MYH13: variants seen among roughly 807,000 people sequenced by gnomAD.
MYH13 encodes the protein myosin-13.
MYH13 carries 177 observed loss-of-function variants against 232.1 expected under a neutral mutation model. The ratio of observed to expected loss-of-function variants is 0.76; its 90% confidence interval spans 0.67 to 0.86. The LOEUF (loss-of-function observed/expected upper bound fraction) is 0.86, where lower values mean the gene tolerates loss of function less well. Ranked by LOEUF, MYH13 falls within the 40% of genes least tolerant of loss-of-function variation. The probability of loss-of-function intolerance (pLI) is 0.00; values close to 1 mark genes in which losing one functional copy is unlikely to be tolerated. For synonymous variants in MYH13, 884 were observed against 923.5 expected, an observed-to-expected ratio of 0.96 and a Z score of 0.78; for missense variants, 2,246 against 2,405.9, an observed-to-expected ratio of 0.93 and a Z score of 1.39.
At position 10,312,806 on chromosome 17, in the gene MYH13, C is replaced by T. The variant is rs370399312; in HGVS notation, c.4182-49G>A. ...TCCCCTTCGCAAAGGTGGAATATTT[C>T]AGTAGGTAACTGTCAGATGGGAAGA... On this transcript the variant is annotated intron_variant, in intron 30 of 40. Transcript: ENST00000252172. 35 of 1,551,470 alleles carry T rather than the reference C, an allele frequency of 2.3e-5. No homozygotes were observed. The African/African-American group carries it at 4.6e-4, about 21-fold the overall frequency.
Position 10,333,134 on chromosome 17 carries a change from C to T in MYH13, c.2114G>A (p.Gly705Asp), listed in dbSNP as rs200422906. 2.7e-5 allele frequency: 42 copies of T among 1,551,850 alleles called. No individual in the cohort carries two copies. In the East Asian group the frequency reaches 9.0e-4, roughly 33 times the overall value. Residue 705 changes from glycine to aspartate, a missense_variant, in exon 19 of 41, where the codon GGC becomes GAC. By Grantham distance (94) the Gly-to-Asp change is moderately conservative (BLOSUM62 -1). Transcript: ENST00000252172. ...GAATCCCTTCCTGCAAATCCGGATG[C>T]CCTCGAGGACCCCGTTACAGCGCAG... ...HQLRCNGVLE[G>D]IRICRKGFPS... is the part of the protein sequence containing the mutation.
rs377061497 is a variant in MYH13 at position 10,345,312 on chromosome 17, T to C, written c.1474A>G (p.Asn492Asp). 3.7e-6 allele frequency: 6 copies of C among 1,614,236 alleles called. No individual in the cohort carries two copies. The highest frequency in any genetic ancestry group is 5.1e-6 in the Non-Finnish European group (6 of 1,180,044). Residue 492 changes from asparagine (N) to aspartate (D), a missense_variant, in exon 15 of 41, where the codon AAC becomes GAC. Physicochemically the swap from Asn to Asp is conservative, Grantham distance 23. Transcript: ENST00000252172. ...TGCTCCAGCACGAACATGTGGTGGT[T>C]GAAAAACTGTTGCAGTTTCTCATTG... Reference protein sequence around the residue: ...FTNEKLQQFFNHHMFVLEQEE... With the variant: ...FTNEKLQQFFDHHMFVLEQEE...
intron 27 of MYH13, 138 bp from the exon 28 acceptor site, chr17:10,316,163 C>CA (rs2142227424): frequency 8.5e-7 from 1 of 1,171,646 alleles, no homozygotes; most frequent in Non-Finnish European, 1.2e-6. Context: ...AGTTCAGTTT[C>CA]AAAAAAATCA....
chr17:10,309,607 T>G lies in MYH13; in HGVS notation c.4880A>C (p.Asn1627Thr), dbSNP rs1410167130. The change falls in exon 34 of 41, where the codon AAT becomes ACT. Residue 1627 changes from asparagine (N) to threonine (T), a missense_variant. Transcript: ENST00000252172. ...RLKKKMEGDL[N>T]EMEIQLGHSN... ...GTGGCCCAGCTGAATCTCCATCTCA[T>G]TAAGGTCTCCCTCCATCTTCTTCTT... 1 of 1,613,410 alleles carries G rather than the reference T, an allele frequency of 6.2e-7. No homozygotes were observed. Among genetic ancestry groups the G allele is most frequent in the African/African-American group, 1.3e-5 (1 of 74,928 alleles).
chr17:10,303,460 C>T lies in MYH13; in HGVS notation c.5505G>A (p.Lys1835=), dbSNP rs770638948. The change falls in exon 38 of 41, where the codon AAG becomes AAA. Residue 1835 remains lysine, a synonymous_variant. Coordinates refer to ENST00000252172, the MANE Select transcript of MYH13 (RefSeq NM_003802.3). ...ELENELDVEQ[K]RGAEALKGAH... Reference sequence around the variant, plus strand: ...CTCCCTTCAGGGCTTCAGCTCCCCTCTTCTGTTCCACATCAAGCTCATTTT... The same window carrying T: ...CTCCCTTCAGGGCTTCAGCTCCCCTTTTCTGTTCCACATCAAGCTCATTTT... 1.9e-6 allele frequency: 3 copies of T among 1,613,996 alleles called. No individual in the cohort carries two copies. Among genetic ancestry groups the T allele is most frequent in the East Asian group, 4.5e-5 (2 of 44,886 alleles).
rs1555548256 is a variant in MYH13, at chr17:10,306,266, G to GTGTT, written c.5466+189_5466+192dup. On this transcript the variant is annotated intron_variant, in intron 37 of 40. Coordinates refer to ENST00000252172, the MANE Select transcript of MYH13 (RefSeq NM_003802.3). This position sits in a 1 kb window ranked among gnomAD's most constrained non-coding sequence, Gnocchi z 4.3. ...TGTGTGTGTGTGTGTGTGTGTGTGT[G>GTGTT]TGTTTTGGGGCATAGGAACAGGTGA... Among the ~76,000 whole-genome samples, 10 of 143,334 alleles carry GTGTT rather than the reference G, an allele frequency of 7.0e-5. No individual in the cohort carries two copies. The highest frequency in any genetic ancestry group is 2.6e-4 in the African/African-American group (10 of 38,344). 94.0% of individuals were successfully genotyped at this position (143,334 alleles called of 152,430 possible). A position where few individuals can be genotyped will look rare whatever the true frequency, so the allele number is the denominator to read the frequency against.
At chr17:10,327,681 TCACTGCTTTG>T (rs1907260069) in intron 22 of MYH13, among the ~76,000 whole-genome samples, 175 bp downstream of exon 22, 1 of 152,086 alleles carries the variant, frequency 6.6e-6, no homozygotes, top group Non-Finnish European at 1.5e-5. Context: ...TTTCCGGCAT[TCACTGCTTTG>T]CTAAGCCCGG....
At chr17:10,344,540 G>A (rs768805566) in intron 15 of MYH13, among the ~76,000 whole-genome samples, 9 of 151,950 alleles carry the variant, frequency 5.9e-5, no homozygotes, top group Admixed American at 2.6e-4. Flanking sequence ...AATGTCGGCC[G>A]GGCGTGGTGG....
intron 3 of MYH13, 85 bp downstream of exon 3, chr17:10,364,242 G>A: frequency 7.3e-7 from 1 of 1,371,258 alleles, no homozygotes; most frequent in Non-Finnish European, 1.0e-6. Flanking sequence ...AGATTCCGAA[G>A]GACCAGCATG....
At chr17:10,315,630 CT>C in intron 29 of MYH13, 62 bp downstream of exon 29, 2 of 1,424,096 alleles carry the variant, frequency 1.4e-6, no homozygotes, top group South Asian at 2.4e-5. Context: ...CTCTGACCAG[CT>C]TCACGGGTGA....
At chr17:10,330,255 T>A in intron 21 of MYH13, 132 bp downstream of exon 21, 1 of 1,303,060 alleles carries the variant, frequency 7.7e-7, no homozygotes, top group Non-Finnish European at 1.0e-6. Context: ...GGATTGCCGC[T>A]CAGTAGATGT....
chr17:10,326,901 G>A (rs1217907885), intron 22 of MYH13, among the ~76,000 whole-genome samples: 1 of 138,262 alleles, frequency 7.2e-6, no homozygotes, highest in Non-Finnish European at 1.5e-5. Flanking sequence ...CTGCAACCTC[G>A]ACTACCTGGG....
intron 39 of MYH13, among the ~76,000 whole-genome samples, chr17:10,302,380 A>G (rs1264655337): frequency 6.6e-6 from 1 of 152,200 alleles, no homozygotes; most frequent in Non-Finnish European, 1.5e-5. Context: ...TGCTCTGCAT[A>G]CAATAAGAAG....
At chr17:10,342,391 G>A (rs1327704710) in intron 16 of MYH13, among the ~76,000 whole-genome samples, 1 of 151,980 alleles carries the variant, frequency 6.6e-6, no homozygotes, top group Non-Finnish European at 1.5e-5. Flanking sequence ...GAGTTCAGAA[G>A]TTACTCAAAA....
chr17:10,360,578 T>C (rs1403952413), intron 5 of MYH13, among the ~76,000 whole-genome samples: 3 of 152,198 alleles, frequency 2.0e-5, no homozygotes, highest in Non-Finnish European at 4.4e-5. Context: ...GTTGGTTTCA[T>C]TGCATTTTTC....
Position 10,306,510 on chromosome 17 carries a change from T to C in MYH13, c.5415A>G (p.Glu1805=), listed in dbSNP as rs1191265076. ...TCTTCCCGCCCTTCAGCGCCAGTTG[T>C]TCAGCCTCATCTAGACGGTGCTGCA... ...KDLQHRLDEA[E]QLALKGGKKQ... Residue 1805 remains glutamate, a synonymous_variant, in exon 37 of 41, where the codon GAA becomes GAG. Coordinates refer to ENST00000252172, the MANE Select transcript of MYH13 (RefSeq NM_003802.3). The surrounding 1 kb of genome is among the most constrained non-coding windows in gnomAD (Gnocchi z 4.3). 5.0e-6 allele frequency: 8 copies of C among 1,614,028 alleles called. No homozygotes were observed. Among genetic ancestry groups the C allele is most frequent in the South Asian group, 1.1e-5 (1 of 91,070 alleles).
Position 10,343,881 on chromosome 17 carries a change from C to G in MYH13, c.1813G>C (p.Glu605Gln). 1.2e-6 allele frequency: 2 copies of G among 1,614,210 alleles called. No homozygotes were observed. The highest frequency in any genetic ancestry group is 1.7e-6 in the Non-Finnish European group (2 of 1,180,022). ...TTCTGGTACAGCCCCACCACAGTCTCGTTCAGGGGGTCCTTGTTTTTGTCC... is the reference window on the plus strand; with the variant it reads ...TTCTGGTACAGCCCCACCACAGTCTGGTTCAGGGGGTCCTTGTTTTTGTCC... ...WLDKNKDPLN[E>Q]TVVGLYQKSS... Residue 605 changes from glutamate (E) to glutamine (Q), a missense_variant, in exon 16 of 41, where the codon GAG becomes CAG. By Grantham distance (29) the Glu-to-Gln change is conservative. Transcript: ENST00000252172.
intron 35 of MYH13, among the ~76,000 whole-genome samples, chr17:10,308,063 G>A (rs1208897727): frequency 6.6e-6 from 1 of 152,146 alleles, no homozygotes; most frequent in Non-Finnish European, 1.5e-5. Flanking sequence ...AGTGGCTCAT[G>A]CCTGTAATCC....
chr17:10,340,019 C>T (rs2071608831), intron 18 of MYH13, 131 bp downstream of exon 18: 1 of 744,446 alleles, frequency 1.3e-6, no homozygotes, highest in South Asian at 1.9e-5. Flanking sequence ...ATCTGGCAAC[C>T]CTATTTCAGA....
Sources: gnomAD v4.1 joint callset for allele counts (sites outside exome capture counted in the v4.1 genomes callset) on GRCh38, gnomAD v4.1.1 for gene constraint, Gnocchi (gnomAD v3.1) non-coding constraint, MANE v1.5 for transcripts, NCBI Gene and HGNC (gene_info 2026-07-23, HGNC 2026-07-21) for gene names.